The following GCSAML variants were observed in gnomAD, a reference collection of about 807,000 sequenced individuals.
GCSAML encodes the protein germinal center associated signaling and motility like, also known as germinal center-associated signaling and motility-like protein.
Under a neutral mutation model 13.0 loss-of-function variants are expected in GCSAML, and 9 were observed. The observed-to-expected ratio is 0.69, with a 90% CI of 0.42 to 1.21. The LOEUF (loss-of-function observed/expected upper bound fraction) is 1.21, where lower values mean the gene tolerates loss of function less well. Ranked by LOEUF, GCSAML falls within the 50% of genes most tolerant of loss-of-function variation. The pLI is 0.00. For synonymous variants in GCSAML, 37 were observed against 52.9 expected (o/e 0.70, Z 1.31); for missense variants, 143 against 153.4 (o/e 0.93, Z 0.36).
chr1:247,521,432 C>T lies in GCSAML; in HGVS notation c.-262-5508C>T, dbSNP rs530788080. ...TCCATGGTCTCCCTCTGATGCCGAG[C>T]GGAAGCTGGACTGTACTGCCGCCAT... On this transcript the variant is annotated intron_variant, in intron 1 of 5. Transcript: ENST00000366489. Among the ~76,000 whole-genome samples the T allele has an allele frequency of 9.3e-5, 14 of 150,950 alleles. No homozygotes were observed. The South Asian group carries it at 2.1e-3, about 22-fold the overall frequency.
At chr1:247,529,583 A>T (rs570415796) in intron 2 of GCSAML, 2 of 152,198 alleles carry the variant, frequency 1.3e-5, no homozygotes, top group Admixed American at 1.3e-4. Flanking sequence ...GATGCATAAT[A>T]ATCCAGTTGA....
chr1:247,516,214 A>G (rs1659176371), intron 1 of GCSAML, among the ~76,000 whole-genome samples: 1 of 152,226 alleles, frequency 6.6e-6, no homozygotes, highest in African/African-American at 2.4e-5. Context: ...CACATATGGG[A>G]ACTCCTAATC....
At chr1:247,531,904 G>T in intron 2 of GCSAML, 1 of 1,614,178 alleles carries the variant, frequency 6.2e-7, no homozygotes, top group Non-Finnish European at 8.5e-7. Context: ...GACAAAGCTG[G>T]CCAGGTACAT....
intron 2 of GCSAML, among the ~76,000 whole-genome samples, chr1:247,534,090 A>G (rs755810292): frequency 6.6e-6 from 1 of 152,188 alleles, no homozygotes; most frequent in African/African-American, 2.4e-5. Context: ...ACTGTGTTAT[A>G]TAATATTGAA....
chr1:247,512,633 T>C (rs1666080080), intron 1 of GCSAML, among the ~76,000 whole-genome samples: 1 of 152,194 alleles, frequency 6.6e-6, no homozygotes, highest in Non-Finnish European at 1.5e-5. Context: ...TGGTTTTTCC[T>C]CATCTTTGTG....
At chr1:247,556,524 GA>G in intron 2 of GCSAML, 58 bp downstream of exon 2, 1 of 1,254,920 alleles carries the variant, frequency 8.0e-7, no homozygotes, top group South Asian at 1.3e-5. Context: ...TTTTCATTGA[GA>G]TTACTTCCAG....
intron 2 of GCSAML, chr1:247,532,076 C>G (rs2103004561): frequency 6.2e-7 from 1 of 1,614,088 alleles, no homozygotes. Context: ...GAGGCCAAAG[C>G]TAGCCCAAGG....
rs1667681235 is a variant in GCSAML, at chr1:247,549,148, T to C, written c.-44T>C. On this transcript the variant is annotated 5_prime_UTR_variant, in exon 1 of 5. Coordinates refer to ENST00000366488, the MANE Select transcript of GCSAML (RefSeq NM_145278.5). ...GTGCTTTGGTCAGAACTTCCCCAAG[T>C]GGAGTGAAACTCAGGAGCTGAGAAA... The C allele has an allele frequency of 6.2e-7, 1 of 1,614,076 alleles. No homozygotes were observed. The highest frequency in any genetic ancestry group is 8.5e-7 in the Non-Finnish European group (1 of 1,179,948).
chr1:247,519,768 C>T (rs68059491), intron 1 of GCSAML, among the ~76,000 whole-genome samples: 24,979 of 152,108 alleles, frequency 0.16, 2,148 homozygotes, highest in Admixed American at 0.19. Context: ...TCTGTTGGAA[C>T]AAGCTTCCAA....
chr1:247,565,904 C>CTT (rs367904043), intron 3 of GCSAML, 27 bp from the exon 4 acceptor site: 814 of 1,367,256 alleles, frequency 6.0e-4, no homozygotes, highest in South Asian at 1.6e-3. Context: ...TCCTTTCTTT[C>CTT]TTTTTTTTTT....
At chr1:247,567,089 A>G (rs1668406114) in intron 4 of GCSAML, among the ~76,000 whole-genome samples, 1 of 150,646 alleles carries the variant, frequency 6.6e-6, no homozygotes, top group Admixed American at 6.6e-5. Flanking sequence ...GGTCTCTAAG[A>G]CACCAGGGCT....
intron 4 of GCSAML, among the ~76,000 whole-genome samples, chr1:247,571,044 A>G (rs1029601820): frequency 9.9e-5 from 15 of 151,800 alleles, no homozygotes; most frequent in African/African-American, 3.4e-4. Context: ...TTTGCTTTCC[A>G]TTTGCTTCGT....
At chr1:247,522,639 G>A (rs968355906) in intron 1 of GCSAML, among the ~76,000 whole-genome samples, 5 of 152,152 alleles carry the variant, frequency 3.3e-5, no homozygotes, top group African/African-American at 7.2e-5. Context: ...TCTGAAACAT[G>A]TGCTGTGTCC....
At chr1:247,509,483 T>C (rs1033550424) in intron 1 of GCSAML, among the ~76,000 whole-genome samples, 12 of 152,214 alleles carry the variant, frequency 7.9e-5, no homozygotes, top group East Asian at 3.8e-4. Flanking sequence ...TCTTCCTATA[T>C]GAATAGGCTT....
intron 2 of GCSAML, among the ~76,000 whole-genome samples, chr1:247,558,032 A>G (rs1668010617): frequency 6.6e-6 from 1 of 152,258 alleles, no homozygotes; most frequent in African/African-American, 2.4e-5. Context: ...ATTTTCAAAT[A>G]CCAGCAAGCC....
intron 1 of GCSAML, among the ~76,000 whole-genome samples, chr1:247,515,790 A>G (rs1296653790): frequency 6.6e-6 from 1 of 152,204 alleles, no homozygotes; most frequent in Non-Finnish European, 1.5e-5. Flanking sequence ...CTCATGATCC[A>G]GTCACCTCCC....
At chr1:247,534,421 C>T (rs961807467) in intron 2 of GCSAML, among the ~76,000 whole-genome samples, 8 of 152,118 alleles carry the variant, frequency 5.3e-5, no homozygotes, top group Non-Finnish European at 8.8e-5. Context: ...CATAAACTTT[C>T]GGTAGTGTTG....
intron 2 of GCSAML, chr1:247,532,513 G>A (rs750281288): frequency 4.4e-5 from 71 of 1,611,420 alleles, no homozygotes; most frequent in Non-Finnish European, 5.9e-5. Context: ...TTCCATCATT[G>A]TATGCTGGGG....
At chr1:247,518,207 G>A (rs2103306294) in intron 1 of GCSAML, among the ~76,000 whole-genome samples, 1 of 152,322 alleles carries the variant, frequency 6.6e-6, no homozygotes, top group African/African-American at 2.4e-5. Context: ...CTGCCATTCC[G>A]CCCTGACGTC....
Sources: gnomAD v4.1 joint callset for allele counts (sites outside exome capture counted in the v4.1 genomes callset) on GRCh38, gnomAD v4.1.1 for gene constraint, MANE v1.5 for transcripts, NCBI Gene and HGNC (gene_info 2026-07-23, HGNC 2026-07-21) for gene names.